ICE1: variants seen among roughly 807,000 people sequenced by gnomAD.
ICE1 encodes interactor of little elongation complex ELL subunit 1.
A neutral mutation model predicts 192.7 loss-of-function variants in ICE1; 64 were observed. That is an observed-to-expected ratio of 0.33 (90% CI 0.27 to 0.41). ICE1 has a LOEUF of 0.41. Ranked by LOEUF, ICE1 falls within the 10% of genes least tolerant of loss-of-function variation. ICE1 has a pLI of 1.00. For missense variants in ICE1, 2,708 were observed against 2,696.0 expected, an observed-to-expected ratio of 1.00 and a Z score of -0.10; for synonymous variants, 1,010 against 984.5, an observed-to-expected ratio of 1.03 and a Z score of -0.49.
At position 5,463,949 on chromosome 5, in the gene ICE1, C is replaced by G; in HGVS notation, c.4615C>G (p.His1539Asp). Residue 1539 changes from histidine to aspartate, a missense_variant, in exon 13 of 19, where the codon CAC becomes GAC. By Grantham distance (81) the His-to-Asp change is moderately conservative. Around this residue, in one of 2 missense-constraint regions of ICE1, gnomAD observed 2,366 missense variants for 2,276.6 expected, o/e 1.04. Coordinates refer to ENST00000296564, the MANE Select transcript of ICE1 (RefSeq NM_015325.3). Reference sequence around the variant, plus strand: ...CGAGACTCAGATTGTTGCGTCTGATCACACATATTATAACTCAAAACTAGA... The same window carrying G: ...CGAGACTCAGATTGTTGCGTCTGATGACACATATTATAACTCAAAACTAGA... ...NFETQIVASD[H>D]TYYNSKLEPS... is the part of the protein sequence containing the mutation. 6.2e-7 allele frequency: 1 copy of G among 1,613,852 alleles called. No individual in the cohort carries two copies. The highest frequency in any genetic ancestry group is 8.5e-7 in the Non-Finnish European group (1 of 1,179,860).
At chr5:5,443,958 G>A (rs1047297329) in intron 6 of ICE1, among the ~76,000 whole-genome samples, 1 of 152,104 alleles carries the variant, frequency 6.6e-6, no homozygotes, top group African/African-American at 2.4e-5. Context: ...TAACTCATTA[G>A]ACTCTGGACT....
chr5:5,461,892 T>C lies in ICE1; in HGVS notation c.2558T>C (p.Val853Ala). 6.2e-7 allele frequency: 1 copy of C among 1,613,928 alleles called. No individual in the cohort carries two copies. Among genetic ancestry groups the C allele is most frequent in the Non-Finnish European group, 8.5e-7 (1 of 1,179,890 alleles). The change falls in exon 13 of 19, where the codon GTG becomes GCG. Residue 853 changes from valine to alanine, a missense_variant. Val to Ala is a moderately conservative substitution (Grantham distance 64, BLOSUM62 0). Around this residue, in one of 2 missense-constraint regions of ICE1, gnomAD observed 2,366 missense variants for 2,276.6 expected, o/e 1.04. Coordinates refer to ENST00000296564, the MANE Select transcript of ICE1 (RefSeq NM_015325.3). ...GTAGAATTCAAGACCACTGCATCGG[T>C]GTTGCCTAATCAAGTATCAGTTATC... is the stretch of plus-strand genomic sequence containing the variant. ...NPVEFKTTAS[V>A]LPNQVSVITK...
intron 16 of ICE1, among the ~76,000 whole-genome samples, chr5:5,474,449 TATC>T (rs1408770397): frequency 6.6e-6 from 1 of 152,104 alleles, no homozygotes; most frequent in Non-Finnish European, 1.5e-5. Flanking sequence ...TGAAATTAAT[TATC>T]ATTATCGTAA....
rs778597848 is a variant in ICE1, at chr5:5,465,018, G to A, written c.5684G>A (p.Ser1895Asn). ...AGAAGTTGTTCTAGTCCAGCCGTCA[G>A]TGCAGTTTCACAGTTGCCTTTAAGC... Reference protein sequence around the residue: ...EERSCSSPAVSAVSQLPLSPK... With the variant: ...EERSCSSPAVNAVSQLPLSPK... The change falls in exon 13 of 19, where the codon AGT becomes AAT. Residue 1895 changes from serine (S) to asparagine (N), a missense_variant. Ser to Asn is a conservative substitution (Grantham distance 46). This residue lies in a region of ICE1 where 2,366 missense variants were observed against 2,276.6 expected (regional missense o/e 1.04). Transcript: ENST00000296564. 1.9e-6 allele frequency: 3 copies of A among 1,613,962 alleles called. No homozygotes were observed. Among genetic ancestry groups the A allele is most frequent in the Non-Finnish European group, 2.5e-6 (3 of 1,179,876 alleles).
intron 7 of ICE1, among the ~76,000 whole-genome samples, chr5:5,446,132 C>T (rs1561079779): frequency 6.6e-6 from 1 of 152,082 alleles, no homozygotes; most frequent in East Asian, 1.9e-4. Flanking sequence ...GCCTCAGCCT[C>T]CAGAGTAGAT....
intron 5 of ICE1, among the ~76,000 whole-genome samples, chr5:5,442,196 C>G (rs1005883466): frequency 2.0e-5 from 3 of 152,114 alleles, no homozygotes; most frequent in African/African-American, 7.2e-5. Context: ...ACATTAAAGT[C>G]CATAGATTTA....
intron 16 of ICE1, 40 bp downstream of exon 16, chr5:5,473,788 TA>T (rs1228736237): frequency 7.1e-7 from 1 of 1,410,980 alleles, no homozygotes; most frequent in African/African-American, 1.5e-5. Flanking sequence ...TATGTTATTG[TA>T]AGGTTGAATT....
chr5:5,481,494 G>T (rs977835110), intron 17 of ICE1, among the ~76,000 whole-genome samples: 1 of 152,044 alleles, frequency 6.6e-6, no homozygotes, highest in Non-Finnish European at 1.5e-5. Flanking sequence ...TATCTTCTGG[G>T]ATTACCAAAT....
chr5:5,423,123 A>G (rs1168288882), intron 1 of ICE1, 124 bp downstream of exon 1: 2 of 481,446 alleles, frequency 4.2e-6, no homozygotes, highest in Non-Finnish European at 6.6e-6. Flanking sequence ...TCCCAACCGT[A>G]GCTCTTGCTC....
Position 5,442,387 on chromosome 5 carries a change from C to T in ICE1, c.310-781C>T, listed in dbSNP as rs113999351. Reference sequence around the variant, plus strand: ...GCTTTAATAGTACATACTTATTTTCCTCTTTATAGAAATTCTTACTATATG... The same window carrying T: ...GCTTTAATAGTACATACTTATTTTCTTCTTTATAGAAATTCTTACTATATG... On this transcript the variant is annotated intron_variant, in intron 5 of 18. Coordinates refer to ENST00000296564, the MANE Select transcript of ICE1 (RefSeq NM_015325.3). Among the ~76,000 whole-genome samples the T allele has an allele frequency of 2.0e-3, 308 of 152,264 alleles. 2 individuals are homozygous for T. The highest frequency in any genetic ancestry group is 7.0e-3 in the African/African-American group (290 of 41,564).
chr5:5,472,200 G>A (rs1464105270), intron 15 of ICE1, among the ~76,000 whole-genome samples: 1 of 151,978 alleles, frequency 6.6e-6, no homozygotes, highest in African/African-American at 2.4e-5. Flanking sequence ...ACTTAAAGTA[G>A]GCCTTCAAAT....
At chr5:5,445,733 G>T (rs964738781) in intron 7 of ICE1, among the ~76,000 whole-genome samples, 3 of 146,776 alleles carry the variant, frequency 2.0e-5, no homozygotes, top group African/African-American at 5.1e-5. Flanking sequence ...ATTTAAAAAA[G>T]AATTTTTTTT....
At chr5:5,482,547 C>T (rs1258702280) in intron 17 of ICE1, among the ~76,000 whole-genome samples, 2 of 152,182 alleles carry the variant, frequency 1.3e-5, no homozygotes, top group African/African-American at 4.8e-5. Flanking sequence ...GCCTAGTGGG[C>T]TGCCACGTGT....
chr5:5,477,041 A>G (rs1028434256), intron 17 of ICE1, among the ~76,000 whole-genome samples: 6 of 151,538 alleles, frequency 4.0e-5, no homozygotes, highest in African/African-American at 1.4e-4. Flanking sequence ...CTTATCTCCT[A>G]TGAATCTTTA....
In ICE1 at chr5:5,460,708, A is replaced by G; in HGVS notation, c.1374A>G (p.Leu458=). 1 of 1,613,972 alleles carries G rather than the reference A, an allele frequency of 6.2e-7. No homozygotes were observed. The highest frequency in any genetic ancestry group is 8.5e-7 in the Non-Finnish European group (1 of 1,179,894). Residue 458 remains leucine, a synonymous_variant, in exon 13 of 19, where the codon TTA becomes TTG. Coordinates refer to ENST00000296564, the MANE Select transcript of ICE1 (RefSeq NM_015325.3). Reference sequence around the variant, plus strand: ...GAGAATCTTCTGCCACACACTCCTTAGTTGGTGAAAAACACTGGACCACAG... The same window carrying G: ...GAGAATCTTCTGCCACACACTCCTTGGTTGGTGAAAAACACTGGACCACAG... ...TLRESSATHS[L]VGEKHWTTAS...
chr5:5,484,238 T>C (rs891515476), intron 17 of ICE1, among the ~76,000 whole-genome samples: 2 of 152,328 alleles, frequency 1.3e-5, no homozygotes, highest in East Asian at 1.9e-4. Flanking sequence ...TTTCCTCTTA[T>C]TTTACTCCTT....
intron 5 of ICE1, among the ~76,000 whole-genome samples, chr5:5,442,088 A>G (rs1738069150): frequency 6.6e-6 from 1 of 152,260 alleles, no homozygotes; most frequent in African/African-American, 2.4e-5. Flanking sequence ...AAGTTGCAGT[A>G]AAACAGTTTG....
chr5:5,424,287 A>T (rs546769043), intron 1 of ICE1, among the ~76,000 whole-genome samples: 1 of 152,148 alleles, frequency 6.6e-6, no homozygotes, highest in Admixed American at 6.5e-5. Context: ...GAAGGGGAGG[A>T]AGGAAATGTG....
chr5:5,430,328 C>A (rs1029253747), intron 1 of ICE1, among the ~76,000 whole-genome samples: 1 of 152,200 alleles, frequency 6.6e-6, no homozygotes, highest in Non-Finnish European at 1.5e-5. Context: ...CAGAGTATTA[C>A]AATATCTGAC....
Sources: gnomAD v4.1 joint callset for allele counts (sites outside exome capture counted in the v4.1 genomes callset) on GRCh38, gnomAD v4.1.1 for gene constraint, gnomAD v4.1.1 regional missense constraint, MANE v1.5 for transcripts, NCBI Gene and HGNC (gene_info 2026-07-23, HGNC 2026-07-21) for gene names.